Variants in TBC1D5 observed in about 807,000 individuals in gnomAD.
TBC1D5 encodes TBC1 domain family, member 5.
TBC1D5 carries 75 observed loss-of-function variants against 100.3 expected under a neutral mutation model. The observed-to-expected ratio is 0.75, with a 90% confidence interval of 0.62 to 0.91. The LOEUF (loss-of-function observed/expected upper bound fraction) is 0.91. Among genes scored for constraint, TBC1D5 ranks in the 40% least tolerant of loss-of-function variants. TBC1D5 has a pLI of 0.00. For missense variants in TBC1D5, 910 were observed against 942.4 expected (o/e 0.97, Z 0.45); for synonymous variants, 323 against 325.6 (o/e 0.99, Z 0.09).
chr3:17,398,471 A>C (rs1359250990), intron 8 of TBC1D5, among the ~76,000 whole-genome samples: 1 of 152,130 alleles, frequency 6.6e-6, no homozygotes, highest in Non-Finnish European at 1.5e-5. Context: ...GAAAGTTGAT[A>C]ATATTATTTT....
chr3:17,291,935 T>G, exon 15 of TBC1D5: 2 of 1,613,898 alleles, frequency 1.2e-6, no homozygotes, highest in Non-Finnish European at 1.7e-6. Context: ...AATCAGTGAG[T>G]GTACATCCCC....
chr3:17,401,337 ATGTATAATATACATATATATG>A lies in TBC1D5; in HGVS notation c.509+1823_509+1843del, dbSNP rs1441011364. The stretch of plus-strand genomic sequence containing the variant: ...ATATGTATGTGTATAATATACATAT[ATGTATAATATACATATATATG>A]TATGTGTATAATATACATATGTATA... On this transcript the variant is annotated intron_variant, in intron 8 of 21. Transcript: ENST00000253692. Among the ~76,000 whole-genome samples the A allele has an allele frequency of 1.3e-3, 28 of 21,806 alleles. No homozygotes were observed. In the African/African-American group the frequency reaches 0.017, roughly 13 times the overall value. The allele number at this position is 21,806 out of a possible 152,430, so 14.3% of individuals were successfully genotyped here.
At chr3:17,314,351 T>C (rs2150737174) in intron 13 of TBC1D5, among the ~76,000 whole-genome samples, 1 of 152,328 alleles carries the variant, frequency 6.6e-6, no homozygotes, top group South Asian at 2.1e-4. Context: ...GATGCCTAGC[T>C]GCTTATCAGT....
At chr3:17,584,604 T>G (rs917965906) in intron 2 of TBC1D5, among the ~76,000 whole-genome samples, 1 of 152,216 alleles carries the variant, frequency 6.6e-6, no homozygotes, top group Non-Finnish European at 1.5e-5. Context: ...ACTTCATTTT[T>G]TAAATGGTGT....
chr3:17,444,754 A>G (rs2094745574), intron 3 of TBC1D5, among the ~76,000 whole-genome samples: 1 of 152,134 alleles, frequency 6.6e-6, no homozygotes, highest in South Asian at 2.1e-4. Context: ...TTCCATTGTT[A>G]GTATTTTAAC....
At chr3:17,594,426 G>A (rs545395415) in intron 2 of TBC1D5, among the ~76,000 whole-genome samples, 12 of 152,322 alleles carry the variant, frequency 7.9e-5, no homozygotes, top group Non-Finnish European at 1.5e-4. Context: ...ACAACCTGTT[G>A]AGGTGCTTGC....
intron 3 of TBC1D5, among the ~76,000 whole-genome samples, chr3:17,486,557 G>A (rs985272465): frequency 3.3e-5 from 5 of 152,184 alleles, no homozygotes; most frequent in African/African-American, 1.2e-4. Flanking sequence ...TCAGAGCAGG[G>A]AACTCCCAGG....
chr3:17,523,973 A>G (rs939682564), intron 2 of TBC1D5, among the ~76,000 whole-genome samples: 3 of 152,172 alleles, frequency 2.0e-5, no homozygotes, highest in Non-Finnish European at 4.4e-5. Flanking sequence ...TTAGGGGTGC[A>G]ATGATTTTTT....
At position 17,621,254 on chromosome 3, in the gene TBC1D5, G is replaced by A. The variant is rs547426231; in HGVS notation, c.-36+2595C>T. On this transcript the variant is annotated intron_variant, in intron 2 of 21. Transcript: ENST00000253692. ...ATTTGTGTATATATGTATAAATACA[G>A]ATGCATGTGTATACATAAAGCTTAT... Among the ~76,000 whole-genome samples, 115 of 152,262 alleles carry A rather than the reference G, an allele frequency of 7.6e-4. 1 individual carries two copies. The highest frequency in any genetic ancestry group is 2.5e-3 in the African/African-American group (102 of 41,558).
At chr3:17,596,686 G>A (rs2060595207) in intron 2 of TBC1D5, among the ~76,000 whole-genome samples, 1 of 126,426 alleles carries the variant, frequency 7.9e-6, no homozygotes, top group Non-Finnish European at 1.6e-5. Flanking sequence ...AGGCAACAAT[G>A]AGAGACTCCA....
rs552779321 is a variant in TBC1D5 at position 17,319,196 on chromosome 3, C to A, written c.996-11062G>T. 2.6e-5 allele frequency among the ~76,000 whole-genome samples: 4 copies of A among 152,248 alleles called. No homozygotes were observed. In the East Asian group the frequency reaches 5.8e-4, roughly 22 times the overall value. Reference sequence around the variant, plus strand: ...CCAACTCAAATATGAAGCAGCAGAACCATCACATAAAACACTTTAAATTTA... The same window carrying A: ...CCAACTCAAATATGAAGCAGCAGAAACATCACATAAAACACTTTAAATTTA... On this transcript the variant is annotated intron_variant, in intron 13 of 21. Coordinates refer to ENST00000253692, the Ensembl canonical transcript of TBC1D5.
chr3:17,689,562 G>A (rs955625287), intron 1 of TBC1D5, among the ~76,000 whole-genome samples: 4 of 151,370 alleles, frequency 2.6e-5, no homozygotes, highest in African/African-American at 4.9e-5. Flanking sequence ...AAAAAGGGAG[G>A]GAGGGGAATT....
intron 3 of TBC1D5, among the ~76,000 whole-genome samples, chr3:17,468,230 T>C (rs190861072): frequency 1.3e-5 from 2 of 152,292 alleles, no homozygotes; most frequent in Admixed American, 1.3e-4. Flanking sequence ...AATGATTACA[T>C]TAACTTACAT....
intron 8 of TBC1D5, among the ~76,000 whole-genome samples, chr3:17,397,066 AATTTAT>A (rs1288301351): frequency 2.6e-5 from 4 of 152,104 alleles, no homozygotes; most frequent in Admixed American, 6.6e-5. Context: ...ATTTTATTTA[AATTTAT>A]ATTTAAACAG....
chr3:17,476,897 C>T (rs557956660), intron 3 of TBC1D5, among the ~76,000 whole-genome samples: 5 of 151,818 alleles, frequency 3.3e-5, no homozygotes, highest in South Asian at 2.1e-4. Context: ...TTTGTAAGTG[C>T]GACTGATTTT....
At chr3:17,338,556 A>C (rs1471114211) in intron 13 of TBC1D5, 3 of 152,222 alleles carry the variant, frequency 2.0e-5, no homozygotes, top group Non-Finnish European at 4.4e-5. Flanking sequence ...GCCAAGCACA[A>C]ATAAATTCTC....
chr3:17,322,731 A>T (rs1028683898), intron 13 of TBC1D5, among the ~76,000 whole-genome samples: 2 of 152,232 alleles, frequency 1.3e-5, no homozygotes, highest in African/African-American at 2.4e-5. Flanking sequence ...TTTGCTAAAT[A>T]GTAAGTTGTG....
At chr3:17,388,542 A>G (rs928771123) in intron 8 of TBC1D5, among the ~76,000 whole-genome samples, 1 of 151,976 alleles carries the variant, frequency 6.6e-6, no homozygotes, top group African/African-American at 2.4e-5. Flanking sequence ...CTAAAAGATA[A>G]GCACTCTTTA....
intron 2 of TBC1D5, among the ~76,000 whole-genome samples, chr3:17,564,644 C>A (rs2096582459): frequency 6.6e-6 from 1 of 152,130 alleles, no homozygotes; most frequent in Non-Finnish European, 1.5e-5. Flanking sequence ...ACCCATCCTA[C>A]CCACCATGCT....
Sources: allele counts gnomAD v4.1 joint callset (sites outside exome capture counted in the v4.1 genomes callset), GRCh38; gene constraint gnomAD v4.1.1; transcripts MANE v1.5; gene names NCBI Gene and HGNC (gene_info 2026-07-23, HGNC 2026-07-21).